The following PPARGC1A variants were observed in gnomAD, a reference collection of about 807,000 sequenced individuals.
PPARGC1A encodes PPARG coactivator 1 alpha, also known as peroxisome proliferator-activated receptor gamma coactivator 1-alpha.
In PPARGC1A, 25 loss-of-function variants were observed where a neutral mutation model predicts 88.7. That is an observed-to-expected ratio of 0.28 (90% CI 0.21 to 0.39). The LOEUF (loss-of-function observed/expected upper bound fraction) is 0.39. Among genes scored for constraint, PPARGC1A ranks in the 10% least tolerant of loss-of-function variants. The pLI is 1.00. For synonymous variants in PPARGC1A, 363 were observed against 355.6 expected, an observed-to-expected ratio of 1.02 and a Z score of -0.24; for missense variants, 880 against 968.7, an observed-to-expected ratio of 0.91 and a Z score of 1.22.
chr4:24,299,973 T>G, the PPARGC1A span, among the ~76,000 whole-genome samples: 1 of 152,350 alleles, frequency 6.6e-6, no homozygotes, highest in Non-Finnish European at 1.5e-5. Context: ...TTGTTTGTGA[T>G]GTGCAAATTA....
At chr4:23,919,940 C>A in the PPARGC1A span, among the ~76,000 whole-genome samples, 3 of 152,258 alleles carry the variant, frequency 2.0e-5, no homozygotes, top group Admixed American at 1.3e-4. Context: ...CAGAAGCCAG[C>A]ATATTCAACA....
At chr4:24,024,574 T>C in the PPARGC1A span, among the ~76,000 whole-genome samples, 344 of 152,256 alleles carry the variant, frequency 2.3e-3, 1 homozygote, top group African/African-American at 8.0e-3. Context: ...GTCCCTAAAT[T>C]CTGATGGGCA....
upstream of PPARGC1A, among the ~76,000 whole-genome samples, chr4:23,904,971 G>A (rs752725338): frequency 5.3e-5 from 8 of 152,100 alleles, no homozygotes; most frequent in South Asian, 2.1e-4. Context: ...CCCTGGCAGC[G>A]GTGGCGCTAA....
chr4:24,444,407 A>C, the PPARGC1A span, among the ~76,000 whole-genome samples: 8 of 152,164 alleles, frequency 5.3e-5, no homozygotes, highest in Non-Finnish European at 1.2e-4. Context: ...TAAGTGGTTC[A>C]ATTAGGAGTC....
the PPARGC1A span, among the ~76,000 whole-genome samples, chr4:24,062,479 C>T: frequency 1.3e-5 from 2 of 152,194 alleles, no homozygotes; most frequent in Admixed American, 1.3e-4. Context: ...TCATCTCTTC[C>T]ACTGTGCTCC....
the PPARGC1A span, among the ~76,000 whole-genome samples, chr4:23,951,998 A>G: frequency 2.0e-5 from 3 of 151,864 alleles, no homozygotes; most frequent in East Asian, 5.8e-4. Context: ...CTTCCCCATC[A>G]TATTTACTGC....
At chr4:24,246,769 G>A in the PPARGC1A span, among the ~76,000 whole-genome samples, 1 of 152,152 alleles carries the variant, frequency 6.6e-6, no homozygotes, top group Non-Finnish European at 1.5e-5. Context: ...TCCGGGAGCT[G>A]GGTTCTTCTA....
At chr4:24,145,550 C>T in the PPARGC1A span, among the ~76,000 whole-genome samples, 2 of 152,158 alleles carry the variant, frequency 1.3e-5, 1 homozygote, top group Admixed American at 1.3e-4. Context: ...GGCTTTGTGA[C>T]CAGAATGGCA....
intron 10 of PPARGC1A, 130 bp from the exon 11 acceptor site, chr4:23,802,475 C>T: frequency 3.6e-6 from 4 of 1,119,298 alleles, no homozygotes; most frequent in Non-Finnish European, 5.1e-6. Flanking sequence ...GTCAGGAGTT[C>T]AATACCAGCC....
At chr4:24,061,715 C>G in the PPARGC1A span, among the ~76,000 whole-genome samples, 3 of 152,182 alleles carry the variant, frequency 2.0e-5, no homozygotes, top group African/African-American at 7.2e-5. Flanking sequence ...TGGCCTTTCT[C>G]TTTGAACTGT....
chr4:23,866,758 C>A (rs1484261540), intron 2 of PPARGC1A, among the ~76,000 whole-genome samples: 1 of 152,004 alleles, frequency 6.6e-6, no homozygotes, highest in Non-Finnish European at 1.5e-5. Context: ...CATTTTGGGT[C>A]ATTTCAGAGC....
At chr4:24,332,208 G>A in the PPARGC1A span, among the ~76,000 whole-genome samples, 11 of 151,994 alleles carry the variant, frequency 7.2e-5, no homozygotes, top group South Asian at 1.7e-3. Context: ...AAACTCCTGG[G>A]CTCAAGCAAT....
chr4:24,091,912 C>G, the PPARGC1A span, among the ~76,000 whole-genome samples: 1 of 136,166 alleles, frequency 7.3e-6, no homozygotes, highest in Non-Finnish European at 1.6e-5. Flanking sequence ...GTGCTCCCGT[C>G]TTCTCCTTGC....
At chr4:24,319,690 A>G in the PPARGC1A span, among the ~76,000 whole-genome samples, 3 of 152,250 alleles carry the variant, frequency 2.0e-5, no homozygotes, top group Non-Finnish European at 4.4e-5. Context: ...TTATATGTTC[A>G]TACAACTAAC....
chr4:24,351,356 C>CTTGG, the PPARGC1A span, among the ~76,000 whole-genome samples: 10 of 147,112 alleles, frequency 6.8e-5, no homozygotes, highest in African/African-American at 2.5e-4. Context: ...GTGATCACAC[C>CTTGG]ACTGTTCCAG....
the PPARGC1A span, among the ~76,000 whole-genome samples, chr4:24,049,865 T>G: frequency 6.6e-6 from 1 of 152,134 alleles, no homozygotes; most frequent in South Asian, 2.1e-4. Flanking sequence ...CATTACCAAA[T>G]ATAGTCAGGT....
the PPARGC1A span, among the ~76,000 whole-genome samples, chr4:24,470,008 A>C: frequency 6.6e-6 from 1 of 152,116 alleles, no homozygotes; most frequent in African/African-American, 2.4e-5. The surrounding 1 kb of genome is among the most constrained non-coding windows in gnomAD (Gnocchi z 5.8). Flanking sequence ...GCAAAGCTGT[A>C]TCACTGCTTC....
At chr4:24,243,180 T>G in the PPARGC1A span, among the ~76,000 whole-genome samples, 7 of 152,210 alleles carry the variant, frequency 4.6e-5, no homozygotes, top group Non-Finnish European at 8.8e-5. Flanking sequence ...ATAATTTACA[T>G]CCACTCAACA....
At chr4:23,811,839 G>A (rs41339850) in intron 10 of PPARGC1A, among the ~76,000 whole-genome samples, 11,286 of 148,604 alleles carry the variant, frequency 0.076, 469 homozygotes, top group East Asian at 0.19. Context: ...TAAGAAATGT[G>A]GGTGTGTCAA....
Sources: allele counts gnomAD v4.1 joint callset (sites outside exome capture counted in the v4.1 genomes callset), GRCh38; gene constraint gnomAD v4.1.1; non-coding constraint Gnocchi (gnomAD v3.1); transcripts MANE v1.5; gene names NCBI Gene and HGNC (gene_info 2026-07-23, HGNC 2026-07-21).